C5: variants seen among roughly 807,000 people sequenced by gnomAD.
The protein encoded by C5 is complement C5.
Under a neutral mutation model 218.8 loss-of-function variants are expected in C5, and 140 were observed. The observed-to-expected ratio is 0.64, with a 90% CI of 0.56 to 0.74. C5 has a LOEUF of 0.74. C5 is among the 30% of genes least tolerant of loss of function. The probability of loss-of-function intolerance (pLI) is 0.00; values close to 1 mark genes in which losing one functional copy is unlikely to be tolerated. For missense variants in C5, 1,700 were observed against 1,969.6 expected, an observed-to-expected ratio of 0.86 and a Z score of 2.59; for synonymous variants, 614 against 682.3, an observed-to-expected ratio of 0.90 and a Z score of 1.56.
chr9:121,059,212 A>C, the C5 span, among the ~76,000 whole-genome samples: 2 of 152,204 alleles, frequency 1.3e-5, no homozygotes, highest in Admixed American at 6.5e-5. The surrounding 1 kb of genome is among the most constrained non-coding windows in gnomAD (Gnocchi z 4.1). Flanking sequence ...TAATAATGGA[A>C]TAGGATAGGA....
chr9:121,026,642 C>G (rs1302818472), intron 8 of C5, among the ~76,000 whole-genome samples: 1 of 152,110 alleles, frequency 6.6e-6, no homozygotes, highest in Non-Finnish European at 1.5e-5. Flanking sequence ...TGCCAAATGT[C>G]TCCTTGGGAA....
chr9:121,031,569 A>T (rs2047474674), intron 6 of C5, among the ~76,000 whole-genome samples: 1 of 152,106 alleles, frequency 6.6e-6, no homozygotes, highest in African/African-American at 2.4e-5. Flanking sequence ...TGGGGAACAC[A>T]AGTACACAGA....
At position 120,981,841 on chromosome 9, in the gene C5, T is replaced by G; in HGVS notation, c.3486+3A>C. ...GTGTGAGAGAAAGAAAACTCTTACT[T>G]ACCACCAGGGGGCATATATCGAAAG... On this transcript the variant is annotated splice_donor_region_variant and intron_variant, in intron 27 of 40. Coordinates refer to ENST00000223642, the MANE Select transcript of C5 (RefSeq NM_001735.3). The G allele has an allele frequency of 6.2e-7, 1 of 1,602,348 alleles. No individual in the cohort carries two copies. The highest frequency in any genetic ancestry group is 8.6e-7 in the Non-Finnish European group (1 of 1,169,332).
chr9:121,074,312 G>A, the C5 span, among the ~76,000 whole-genome samples: 1 of 152,168 alleles, frequency 6.6e-6, no homozygotes, highest in East Asian at 1.9e-4. Flanking sequence ...CGTGAACGCC[G>A]TGCTCATGGG....
intron 22 of C5, 54 bp downstream of exon 22, chr9:120,996,186 C>T (rs1410229411): frequency 4.5e-6 from 6 of 1,335,808 alleles, no homozygotes; most frequent in Non-Finnish European, 6.5e-6. Context: ...TACATACACA[C>T]TTTAACTTCT....
At chr9:120,971,880 T>G in intron 31 of C5, 50 bp downstream of exon 31, 1 of 1,375,482 alleles carries the variant, frequency 7.3e-7, no homozygotes, top group Non-Finnish European at 1.0e-6. Flanking sequence ...TTATGTTACC[T>G]AGTACAAATG....
chr9:121,037,591 G>A lies in C5; in HGVS notation c.492+290C>T, dbSNP rs563668746. ...CTCCCAAAGTGCTGGGATTACAGGT[G>A]TGAGCCACCACGCCCGGCCAGTGGG... On this transcript the variant is annotated intron_variant, in intron 4 of 40. Coordinates refer to ENST00000223642, the MANE Select transcript of C5 (RefSeq NM_001735.3). Among the ~76,000 whole-genome samples the A allele has an allele frequency of 3.7e-4, 57 of 152,258 alleles. No homozygotes were observed. In the South Asian group the frequency reaches 0.011, roughly 29 times the overall value.
intron 28 of C5, chr9:120,979,731 A>T: frequency 3.6e-6 from 1 of 276,512 alleles, no homozygotes; most frequent in Non-Finnish European, 7.1e-6. Context: ...TGCAAAATAT[A>T]AAAAAAAGTA....
intron 4 of C5, among the ~76,000 whole-genome samples, chr9:121,035,874 C>G (rs1187022622): frequency 6.6e-6 from 1 of 151,988 alleles, no homozygotes. Flanking sequence ...GAGTCACTGA[C>G]CAGCCTACAA....
intron 20 of C5, among the ~76,000 whole-genome samples, chr9:121,002,375 C>G (rs1230592919): frequency 7.0e-6 from 1 of 143,060 alleles, no homozygotes; most frequent in African/African-American, 2.5e-5. Context: ...TTTTATATGT[C>G]TAAGACTAGG....
At chr9:120,992,681 C>T (rs111270868) in intron 22 of C5, among the ~76,000 whole-genome samples, 17 of 152,208 alleles carry the variant, frequency 1.1e-4, no homozygotes, top group African/African-American at 2.2e-4. Context: ...TCAGTGATCA[C>T]GGTAAAAGAC....
At chr9:120,984,119 G>A (rs2047015553) in intron 25 of C5, among the ~76,000 whole-genome samples, 1 of 152,098 alleles carries the variant, frequency 6.6e-6, no homozygotes, top group African/African-American at 2.4e-5. Flanking sequence ...TGGTACAGAT[G>A]CACCAAAGCT....
chr9:121,040,457 C>T (rs144436195), intron 3 of C5, among the ~76,000 whole-genome samples: 11 of 152,152 alleles, frequency 7.2e-5, no homozygotes, highest in African/African-American at 2.4e-4. Flanking sequence ...CCTAAAGATG[C>T]TTACACTAAA....
chr9:121,068,129 A>G, the C5 span, among the ~76,000 whole-genome samples: 1 of 152,210 alleles, frequency 6.6e-6, no homozygotes, highest in African/African-American at 2.4e-5. Context: ...AAGAACTAGC[A>G]AGTGCAATTA....
intron 15 of C5, 145 bp from the exon 16 acceptor site, chr9:121,015,406 T>C (rs903324689): frequency 1.6e-6 from 1 of 630,914 alleles, no homozygotes; most frequent in Non-Finnish European, 2.8e-6. Flanking sequence ...GATTAGGAAC[T>C]GTGCACCATA....
At chr9:121,016,140 A>C in intron 15 of C5, 114 bp downstream of exon 15, 1 of 1,315,662 alleles carries the variant, frequency 7.6e-7, no homozygotes, top group South Asian at 1.2e-5. Context: ...TGAGTTATGT[A>C]GTCTTGGCAT....
rs1406777945 is a variant in C5 at position 121,018,536 on chromosome 9, TGCACTCCA to T, written c.1507-692_1507-685del. Among the ~76,000 whole-genome samples the T allele has an allele frequency of 4.8e-5, 7 of 146,260 alleles. No homozygotes were observed. The East Asian group carries it at 1.4e-3, about 29-fold the overall frequency. The stretch of plus-strand genomic sequence containing the variant: ...TTGCAGTGAGTCGAAATCATGCCAC[TGCACTCCA>T]GCTTGGGGGACAGAGTGAGACTCCA... On this transcript the variant is annotated intron_variant, in intron 12 of 40. Transcript: ENST00000223642.
chr9:121,027,322 C>T (rs771341798), intron 7 of C5, 48 bp from the exon 8 acceptor site: 1 of 889,870 alleles, frequency 1.1e-6, no homozygotes, highest in Non-Finnish European at 1.8e-6. Context: ...GTTACAATAA[C>T]AGGATTCAGA....
intron 8 of C5, 71 bp downstream of exon 8, chr9:121,027,089 T>G: frequency 2.4e-6 from 2 of 845,254 alleles, no homozygotes; most frequent in South Asian, 2.8e-5. Context: ...CTAGATGGTT[T>G]TTAAGTAACT....
Sources: allele counts gnomAD v4.1 joint callset (sites outside exome capture counted in the v4.1 genomes callset), GRCh38; gene constraint gnomAD v4.1.1; non-coding constraint Gnocchi (gnomAD v3.1); transcripts MANE v1.5; gene names NCBI Gene and HGNC (gene_info 2026-07-23, HGNC 2026-07-21).